CNBD1: variants seen among roughly 807,000 people sequenced by gnomAD.
CNBD1 encodes cyclic nucleotide binding domain containing 1, also known as cyclic nucleotide-binding domain-containing protein 1.
CNBD1 carries 71 observed loss-of-function variants against 54.4 expected under a neutral mutation model. The ratio of observed to expected loss-of-function variants is 1.30; its 90% CI spans 1.08 to 1.59. The LOEUF is 1.59. Among genes scored for constraint, CNBD1 ranks in the 40% most tolerant of loss-of-function variants. CNBD1 has a pLI of 0.00. For missense variants in CNBD1, 659 were observed against 518.0 expected, an observed-to-expected ratio of 1.27 and a Z score of -2.64; for synonymous variants, 182 against 170.7, an observed-to-expected ratio of 1.07 and a Z score of -0.51.
At chr8:87,224,334 T>A (rs1453199641) in intron 5 of CNBD1, among the ~76,000 whole-genome samples, 27 of 150,986 alleles carry the variant, frequency 1.8e-4, no homozygotes, top group African/African-American at 6.6e-4. Flanking sequence ...ATGTCCTGAA[T>A]GGTAATGCCT....
intron 8 of CNBD1, among the ~76,000 whole-genome samples, chr8:87,340,455 G>A (rs575923276): frequency 1.3e-5 from 2 of 152,130 alleles, no homozygotes; most frequent in Non-Finnish European, 2.9e-5. Flanking sequence ...CCCAGGTTTG[G>A]AAAGTTTTCA....
chr8:87,136,159 A>G (rs542733748), intron 4 of CNBD1, among the ~76,000 whole-genome samples: 4 of 152,028 alleles, frequency 2.6e-5, no homozygotes, highest in Non-Finnish European at 5.9e-5. Flanking sequence ...GCAACTCAAA[A>G]GCAATGGAAG....
intron 5 of CNBD1, among the ~76,000 whole-genome samples, chr8:87,236,216 A>G (rs887083772): frequency 6.6e-6 from 1 of 152,030 alleles, no homozygotes; most frequent in African/African-American, 2.4e-5. Context: ...ACACCATCCC[A>G]CTCTTACCCC....
At chr8:87,158,146 T>A (rs1812783854) in intron 4 of CNBD1, among the ~76,000 whole-genome samples, 1 of 152,106 alleles carries the variant, frequency 6.6e-6, no homozygotes, top group Admixed American at 6.6e-5. Flanking sequence ...GGAGTCTACC[T>A]TAGAGTTGAG....
chr8:86,941,368 A>T (rs55749302), intron 4 of CNBD1, among the ~76,000 whole-genome samples: 1 of 152,232 alleles, frequency 6.6e-6, no homozygotes, highest in Non-Finnish European at 1.5e-5. Flanking sequence ...GATCTAAGGC[A>T]TACTATGCTA....
chr8:87,416,015 A>G (rs1807828280), intron 2 of CNBD1, among the ~76,000 whole-genome samples: 1 of 152,002 alleles, frequency 6.6e-6, no homozygotes, highest in Non-Finnish European at 1.5e-5. Flanking sequence ...ACATACACAC[A>G]CAAAAATAGA....
chr8:87,376,131 T>C (rs1376556114), intron 10 of CNBD1, among the ~76,000 whole-genome samples: 1 of 151,898 alleles, frequency 6.6e-6, no homozygotes, highest in Non-Finnish European at 1.5e-5. Context: ...AAAGGAAATA[T>C]AGTTTAGATG....
chr8:86,947,289 G>A (rs1033469278), intron 4 of CNBD1, among the ~76,000 whole-genome samples: 1 of 152,068 alleles, frequency 6.6e-6, no homozygotes, highest in African/African-American at 2.4e-5. Flanking sequence ...TGGCTAAAGA[G>A]ATGAAAATGT....
chr8:87,351,720 G>T lies in CNBD1; in HGVS notation c.1078G>T (p.Gly360Cys). ...VESGNIISFV[G>C]YINSGCCNIY... is the part of the protein sequence containing the mutation. ...AAGTGGAAATATAATTTCTTTTGTGGGTTATATTAACTCTGGATGCTGTAA... is the reference window on the plus strand; with the variant it reads ...AAGTGGAAATATAATTTCTTTTGTGTGTTATATTAACTCTGGATGCTGTAA... Residue 360 changes from glycine (G) to cysteine (C), a missense_variant, in exon 9 of 11, where the codon GGT becomes TGT. Gly to Cys is a radical substitution (Grantham distance 159, BLOSUM62 -3). Coordinates refer to ENST00000518476, the MANE Select transcript of CNBD1 (RefSeq NM_173538.3). The T allele has an allele frequency of 6.5e-7, 1 of 1,531,028 alleles. No homozygotes were observed. The allele number at this position is 1,531,028 out of a possible 1,614,324, so 94.8% of individuals were successfully genotyped here. A position where few individuals can be genotyped will look rare whatever the true frequency, so the allele number is the denominator to read the frequency against.
At chr8:87,319,107 G>A (rs974807149) in intron 8 of CNBD1, among the ~76,000 whole-genome samples, 1 of 152,068 alleles carries the variant, frequency 6.6e-6, no homozygotes, top group Non-Finnish European at 1.5e-5. Context: ...GAGGATATTA[G>A]GAGAGAAGTG....
intron 4 of CNBD1, among the ~76,000 whole-genome samples, chr8:87,066,531 C>G (rs1233715869): frequency 1.3e-5 from 2 of 151,834 alleles, no homozygotes; most frequent in African/African-American, 4.8e-5. Flanking sequence ...TTTGGATATT[C>G]TAAAACTTTT....
intron 6 of CNBD1, among the ~76,000 whole-genome samples, chr8:87,264,465 G>A (rs905814387): frequency 1.3e-5 from 2 of 152,106 alleles, no homozygotes; most frequent in African/African-American, 4.8e-5. Context: ...ACATACATGT[G>A]CGTGTGTCTT....
chr8:87,108,022 ATTATATAGT>A (rs1811577841), intron 4 of CNBD1, among the ~76,000 whole-genome samples: 1 of 152,200 alleles, frequency 6.6e-6, no homozygotes, highest in Non-Finnish European at 1.5e-5. Context: ...TCTTTATAGT[ATTATATAGT>A]ACTCATAAAT....
chr8:87,026,713 T>C (rs1267969000), intron 4 of CNBD1, among the ~76,000 whole-genome samples: 2 of 152,188 alleles, frequency 1.3e-5, no homozygotes, highest in Admixed American at 1.3e-4. Context: ...TCAAATCTCT[T>C]TCCCGTACTT....
intron 2 of CNBD1, among the ~76,000 whole-genome samples, chr8:87,404,552 A>G (rs751727767): frequency 2.6e-5 from 4 of 152,214 alleles, no homozygotes; most frequent in East Asian, 1.9e-4. Context: ...GAATTAATTA[A>G]TACAACTCAC....
intron 4 of CNBD1, among the ~76,000 whole-genome samples, chr8:87,036,376 C>T (rs1010994133): frequency 3.3e-5 from 5 of 151,960 alleles, no homozygotes; most frequent in Admixed American, 6.6e-5. Flanking sequence ...GGGCGGATCA[C>T]GAGGTCAGGA....
At chr8:87,205,882 AC>A (rs1279870210) in intron 4 of CNBD1, 110 bp from the exon 5 acceptor site, 2 of 860,692 alleles carry the variant, frequency 2.3e-6, no homozygotes, top group African/African-American at 1.8e-5. Flanking sequence ...TTTTTTAAAA[AC>A]CCTTAACTAA....
chr8:87,059,385 T>TA, intron 4 of CNBD1, among the ~76,000 whole-genome samples: 1 of 152,336 alleles, frequency 6.6e-6, no homozygotes, highest in East Asian at 1.9e-4. Flanking sequence ...AAGCTCCTTA[T>TA]AGCAGCACCC....
At chr8:86,898,077 C>G (rs1460577760) in intron 2 of CNBD1, among the ~76,000 whole-genome samples, 1 of 152,026 alleles carries the variant, frequency 6.6e-6, no homozygotes, top group African/African-American at 2.4e-5. Flanking sequence ...GGGCAGGTCT[C>G]TAAGTCATGT....
Sources: gnomAD v4.1 joint callset for allele counts (sites outside exome capture counted in the v4.1 genomes callset) on GRCh38, gnomAD v4.1.1 for gene constraint, MANE v1.5 for transcripts, NCBI Gene and HGNC (gene_info 2026-07-23, HGNC 2026-07-21) for gene names.